The following CTNNA2 variants were observed in gnomAD, a reference collection of about 807,000 sequenced individuals.
CTNNA2 encodes the protein catenin alpha 2, also known as catenin alpha-2.
In CTNNA2, 42 loss-of-function variants were observed where a neutral mutation model predicts 101.0. That is an observed-to-expected ratio of 0.42 (90% CI 0.32 to 0.54). The LOEUF is 0.54. Ranked by LOEUF, CTNNA2 falls within the 20% of genes least tolerant of loss-of-function variation. The probability of loss-of-function intolerance (pLI) is 0.14; values close to 1 mark genes in which losing one functional copy is unlikely to be tolerated. For missense variants in CTNNA2, 871 were observed against 1,223.1 expected (o/e 0.71, Z 4.29); for synonymous variants, 450 against 456.4 (o/e 0.99, Z 0.18).
chr2:80,348,554 T>C (rs1559031898), intron 7 of CTNNA2, among the ~76,000 whole-genome samples: 1 of 152,166 alleles, frequency 6.6e-6, no homozygotes, highest in Non-Finnish European at 1.5e-5. Flanking sequence ...CTAAAGCCCG[T>C]ACTTTTCTGA....
At chr2:79,459,122 T>G (rs1670852795) in intron 4 of CTNNA2, among the ~76,000 whole-genome samples, 1 of 152,158 alleles carries the variant, frequency 6.6e-6, no homozygotes, top group African/African-American at 2.4e-5. Context: ...ACTGATTCTA[T>G]TCTAAGCAAC....
intron 7 of CTNNA2, among the ~76,000 whole-genome samples, chr2:80,234,012 C>A (rs987627617): frequency 6.6e-6 from 1 of 151,408 alleles, no homozygotes; most frequent in East Asian, 2.0e-4. Flanking sequence ...TCTTCCTGCA[C>A]CCTCATGCCC....
chr2:80,256,004 C>T (rs1182106603), intron 7 of CTNNA2, among the ~76,000 whole-genome samples: 3 of 152,062 alleles, frequency 2.0e-5, no homozygotes, highest in Admixed American at 2.0e-4. Flanking sequence ...AGTAATACTG[C>T]TTTATTAAAT....
At chr2:80,577,504 G>C (rs941890506) in intron 13 of CTNNA2, among the ~76,000 whole-genome samples, 1 of 152,074 alleles carries the variant, frequency 6.6e-6, no homozygotes, top group Non-Finnish European at 1.5e-5. Context: ...GCCACTGGAG[G>C]GTTCTGAGCA....
chr2:80,315,185 G>GT (rs767956233), intron 7 of CTNNA2, among the ~76,000 whole-genome samples: 2 of 152,120 alleles, frequency 1.3e-5, no homozygotes, highest in Non-Finnish European at 2.9e-5. Flanking sequence ...ATTGTGCCCA[G>GT]TATCTCAGAC....
chr2:80,646,400 C>T (rs1483647761), intron 18 of CTNNA2, among the ~76,000 whole-genome samples: 1 of 152,106 alleles, frequency 6.6e-6, no homozygotes, highest in Non-Finnish European at 1.5e-5. Flanking sequence ...TCAAACATCC[C>T]TGAGGCTGGA....
At chr2:79,230,417 G>A (rs1674474661) in intron 2 of CTNNA2, among the ~76,000 whole-genome samples, 1 of 152,210 alleles carries the variant, frequency 6.6e-6, no homozygotes, top group South Asian at 2.1e-4. Flanking sequence ...CTTACACGTG[G>A]CATTGAGCCT....
intron 7 of CTNNA2, among the ~76,000 whole-genome samples, chr2:80,214,577 G>C (rs1708129779): frequency 6.6e-6 from 1 of 152,186 alleles, no homozygotes; most frequent in South Asian, 2.1e-4. Flanking sequence ...TCTGCCGAGA[G>C]ATCAGCTGTT....
chr2:80,181,222 G>T (rs1437894202), intron 7 of CTNNA2, among the ~76,000 whole-genome samples: 1 of 152,110 alleles, frequency 6.6e-6, no homozygotes, highest in Non-Finnish European at 1.5e-5. Context: ...ACTGCCTCAG[G>T]GGAGGCCATC....
intron 1 of CTNNA2, among the ~76,000 whole-genome samples, chr2:79,618,400 A>G (rs1381955459): frequency 1.3e-5 from 2 of 152,008 alleles, no homozygotes; most frequent in Non-Finnish European, 2.9e-5. Flanking sequence ...TTCTGGCCCC[A>G]TGTTCCGAAG....
chr2:80,098,610 C>T (rs905293603), intron 7 of CTNNA2, among the ~76,000 whole-genome samples: 4 of 152,204 alleles, frequency 2.6e-5, no homozygotes, highest in African/African-American at 9.6e-5. Flanking sequence ...AGAGGTGGAG[C>T]CTACAGAGGC....
intron 3 of CTNNA2, among the ~76,000 whole-genome samples, chr2:79,814,796 T>C (rs1677349948): frequency 6.6e-6 from 1 of 152,306 alleles, no homozygotes; most frequent in South Asian, 2.1e-4. Flanking sequence ...AGGTGCCCAG[T>C]AATGAGATTG....
At chr2:79,415,526 G>A (rs1392445668) in intron 4 of CTNNA2, among the ~76,000 whole-genome samples, 3 of 152,138 alleles carry the variant, frequency 2.0e-5, no homozygotes, top group Non-Finnish European at 2.9e-5. Flanking sequence ...TCTCTAGGAA[G>A]ATATTTGGGG....
intron 7 of CTNNA2, among the ~76,000 whole-genome samples, chr2:80,203,780 G>A (rs577517044): frequency 6.6e-6 from 1 of 152,308 alleles, no homozygotes; most frequent in African/African-American, 2.4e-5. Flanking sequence ...CTGTGTGGGG[G>A]CTCCAACTCC....
At chr2:80,404,924 G>C (rs769385897) in intron 8 of CTNNA2, among the ~76,000 whole-genome samples, 11 of 152,148 alleles carry the variant, frequency 7.2e-5, no homozygotes, top group Non-Finnish European at 1.6e-4. Context: ...CTAAGCCCCA[G>C]ATAAAAAATT....
intron 7 of CTNNA2, among the ~76,000 whole-genome samples, chr2:80,325,670 G>A (rs970297622): frequency 6.6e-6 from 1 of 152,164 alleles, no homozygotes; most frequent in Admixed American, 6.5e-5. Flanking sequence ...GGTTATGGCT[G>A]ATTAATCAGG....
intron 7 of CTNNA2, among the ~76,000 whole-genome samples, chr2:80,083,039 A>C (rs1573025286): frequency 6.6e-6 from 1 of 152,090 alleles, no homozygotes; most frequent in African/African-American, 2.4e-5. Context: ...TTTTTCCATC[A>C]CTGAAAAAAT....
At chr2:79,562,357 A>G (rs1238106369) in intron 1 of CTNNA2, among the ~76,000 whole-genome samples, 1 of 152,054 alleles carries the variant, frequency 6.6e-6, no homozygotes, top group African/African-American at 2.4e-5. Context: ...ATTCTTAACT[A>G]CTATAACATT....
intron 7 of CTNNA2, among the ~76,000 whole-genome samples, chr2:80,228,348 A>G (rs1431471008): frequency 1.3e-5 from 2 of 152,084 alleles, no homozygotes; most frequent in East Asian, 1.9e-4. Context: ...GTGTTTTCAT[A>G]TGGTGGAAGG....
Sources: gnomAD v4.1 joint callset for allele counts (sites outside exome capture counted in the v4.1 genomes callset) on GRCh38, gnomAD v4.1.1 for gene constraint, MANE v1.5 for transcripts, NCBI Gene and HGNC (gene_info 2026-07-23, HGNC 2026-07-21) for gene names.